Variants in RFX3 observed in about 807,000 individuals in gnomAD.
RFX3 encodes transcription factor RFX3.
RFX3 carries 14 observed loss-of-function variants against 98.6 expected under a neutral mutation model. The ratio of observed to expected loss-of-function variants is 0.14; its 90% CI spans 0.09 to 0.22. The LOEUF is 0.22. Ranked by LOEUF, RFX3 falls within the 10% of genes least tolerant of loss-of-function variation. The pLI, the probability that RFX3 is intolerant of heterozygous loss-of-function variation, is 1.00. For synonymous variants in RFX3, 383 were observed against 328.4 expected (o/e 1.17, Z -1.80); for missense variants, 639 against 926.9 (o/e 0.69, Z 4.03).
chr9:3,302,019 G>A (rs17715317), intron 4 of RFX3, among the ~76,000 whole-genome samples: 16,743 of 151,734 alleles, frequency 0.11, 925 homozygotes, highest in Middle Eastern at 0.19. Flanking sequence ...ATTCTCTCAC[G>A]AAAGGAAAAT....
intron 2 of RFX3, among the ~76,000 whole-genome samples, chr9:3,356,824 T>C (rs1484828398): frequency 1.3e-5 from 2 of 151,752 alleles, no homozygotes; most frequent in Non-Finnish European, 1.5e-5. Flanking sequence ...CAGTTTAATA[T>C]TTAAAAACCC....
chr9:3,457,878 G>A (rs1847335725), intron 1 of RFX3, among the ~76,000 whole-genome samples: 1 of 151,934 alleles, frequency 6.6e-6, no homozygotes, highest in African/African-American at 2.4e-5. Context: ...AAGGAATCTA[G>A]ACAGAAATAT....
intron 4 of RFX3, among the ~76,000 whole-genome samples, chr9:3,318,089 A>G (rs898752172): frequency 2.6e-5 from 4 of 152,268 alleles, no homozygotes. Context: ...TTACTGCAGC[A>G]CTATTCACAA....
At chr9:3,281,860 G>C (rs1586864964) in intron 7 of RFX3, among the ~76,000 whole-genome samples, 1 of 151,690 alleles carries the variant, frequency 6.6e-6, no homozygotes, top group African/African-American at 2.4e-5. Context: ...TCCAATGGAA[G>C]GCAAAGAATG....
At chr9:3,322,118 A>G (rs1304700457) in intron 4 of RFX3, among the ~76,000 whole-genome samples, 1 of 152,028 alleles carries the variant, frequency 6.6e-6, no homozygotes, top group Non-Finnish European at 1.5e-5. Context: ...AATTCTTGCA[A>G]GTTTATTTAC....
intron 2 of RFX3, among the ~76,000 whole-genome samples, chr9:3,360,758 G>A (rs887564166): frequency 5.3e-5 from 8 of 152,008 alleles, no homozygotes; most frequent in South Asian, 2.1e-4. Flanking sequence ...ACAGGAAAAC[G>A]TGCTAGCTCA....
At chr9:3,384,863 G>C (rs184797181) in intron 2 of RFX3, among the ~76,000 whole-genome samples, 1 of 151,972 alleles carries the variant, frequency 6.6e-6, no homozygotes, top group Non-Finnish European at 1.5e-5. Flanking sequence ...CTCCTCTCTC[G>C]TGCCAGGTCT....
In RFX3 at chr9:3,369,821, G is replaced by C. The variant is rs1055551395; in HGVS notation, c.118-23057C>G. Among the ~76,000 whole-genome samples, 5 of 151,904 alleles carry C rather than the reference G, an allele frequency of 3.3e-5. 1 individual carries two copies. In the South Asian group the frequency reaches 8.3e-4, roughly 25 times the overall value. Reference sequence around the variant, plus strand: ...AGATTTACAGAGCAGTTGTTTTTTTGTTTTTGTTTTGTTTGTTTGTTTGTT... The same window carrying C: ...AGATTTACAGAGCAGTTGTTTTTTTCTTTTTGTTTTGTTTGTTTGTTTGTT... On this transcript the variant is annotated intron_variant, in intron 2 of 16. Coordinates refer to ENST00000617270, the MANE Select transcript of RFX3 (RefSeq NM_001282116.2).
At chr9:3,286,315 A>G (rs1024497751) in intron 7 of RFX3, among the ~76,000 whole-genome samples, 6 of 151,826 alleles carry the variant, frequency 4.0e-5, no homozygotes, top group African/African-American at 7.2e-5. Flanking sequence ...ATCCAACTCT[A>G]TGAGGTACTA....
chr9:3,457,509 C>G lies in RFX3; in HGVS notation c.-8-61913G>C, dbSNP rs570003218. ...AATTAAAAACCCAGGAGTTCCATAA[C>G]TCTGCTTTCACTGCACTATCCAGTA... On this transcript the variant is annotated intron_variant, in intron 1 of 16. Coordinates refer to ENST00000617270, the MANE Select transcript of RFX3 (RefSeq NM_001282116.2). Among the ~76,000 whole-genome samples, 17 of 152,226 alleles carry G rather than the reference C, an allele frequency of 1.1e-4. No homozygotes were observed. The South Asian group carries it at 2.7e-3, about 24-fold the overall frequency.
At chr9:3,237,841 G>T (rs1819370911) in intron 15 of RFX3, among the ~76,000 whole-genome samples, 1 of 152,128 alleles carries the variant, frequency 6.6e-6, no homozygotes, top group Admixed American at 6.5e-5. Flanking sequence ...ATAAGAAGTG[G>T]AGCCAGCCTG....
intron 1 of RFX3, among the ~76,000 whole-genome samples, chr9:3,498,904 T>A (rs928471745): frequency 2.0e-5 from 3 of 151,984 alleles, no homozygotes; most frequent in African/African-American, 7.2e-5. Context: ...GGATAAGGAG[T>A]ACTAATAAAC....
chr9:3,237,191 C>T (rs929572569), intron 15 of RFX3, among the ~76,000 whole-genome samples: 4 of 152,118 alleles, frequency 2.6e-5, no homozygotes, highest in Non-Finnish European at 1.5e-5. Flanking sequence ...CTAATGTTCC[C>T]ATTTTCTTTT....
At chr9:3,411,355 C>G (rs1237563603) in intron 1 of RFX3, among the ~76,000 whole-genome samples, 1 of 151,884 alleles carries the variant, frequency 6.6e-6, no homozygotes, top group Non-Finnish European at 1.5e-5. Context: ...TTTCTCTCCT[C>G]TTTTTTATTT....
chr9:3,370,056 T>C (rs1184227268), intron 2 of RFX3, among the ~76,000 whole-genome samples: 3 of 148,698 alleles, frequency 2.0e-5, no homozygotes, highest in African/African-American at 7.5e-5. Context: ...TTAGCCAGGA[T>C]GGTCTCGATC....
intron 2 of RFX3, among the ~76,000 whole-genome samples, chr9:3,377,079 C>A (rs1353629806): frequency 6.6e-6 from 1 of 152,186 alleles, no homozygotes; most frequent in Non-Finnish European, 1.5e-5. Flanking sequence ...TTTGACCCAG[C>A]CATCCCATTA....
chr9:3,294,637 A>G (rs545761420), intron 5 of RFX3, among the ~76,000 whole-genome samples: 41 of 152,180 alleles, frequency 2.7e-4, no homozygotes, highest in Non-Finnish European at 5.4e-4. Context: ...AAATATTTTC[A>G]GAATTACTGA....
chr9:3,282,497 G>A (rs1244209298), intron 7 of RFX3, among the ~76,000 whole-genome samples: 6 of 151,718 alleles, frequency 4.0e-5, no homozygotes, highest in African/African-American at 9.7e-5. Flanking sequence ...AGCTGCTGGC[G>A]AAAATCAGAG....
intron 1 of RFX3, among the ~76,000 whole-genome samples, chr9:3,413,086 CAG>C (rs1254749991): frequency 6.6e-6 from 1 of 151,674 alleles, no homozygotes; most frequent in Non-Finnish European, 1.5e-5. Flanking sequence ...GAGAAATAAA[CAG>C]AAATTTTTAC....
Sources: allele counts gnomAD v4.1 joint callset (sites outside exome capture counted in the v4.1 genomes callset), GRCh38; gene constraint gnomAD v4.1.1; transcripts MANE v1.5; gene names NCBI Gene and HGNC (gene_info 2026-07-23, HGNC 2026-07-21).